The following SDK1 variants were observed in gnomAD, a reference collection of about 807,000 sequenced individuals.
SDK1 encodes sidekick cell adhesion molecule 1, also known as protein sidekick-1.
Under a neutral mutation model 245.5 loss-of-function variants are expected in SDK1, and 157 were observed. That is an observed-to-expected ratio of 0.64 (90% CI 0.56 to 0.73). SDK1 has a LOEUF of 0.73. Among genes scored for constraint, SDK1 ranks in the 30% least tolerant of loss-of-function variants. The pLI is 0.00. For synonymous variants in SDK1, 1,647 were observed against 1,278.5 expected, an observed-to-expected ratio of 1.29 and a Z score of -6.15; for missense variants, 3,583 against 3,002.3, an observed-to-expected ratio of 1.19 and a Z score of -4.52.
intron 1 of SDK1, among the ~76,000 whole-genome samples, chr7:3,567,678 T>C (rs1297445367): frequency 6.6e-6 from 1 of 152,252 alleles, no homozygotes; most frequent in Non-Finnish European, 1.5e-5. Flanking sequence ...CAGGAGGAGA[T>C]GGTAAACCTC....
At chr7:3,991,348 T>A (rs1202176003) in intron 14 of SDK1, among the ~76,000 whole-genome samples, 1 of 152,018 alleles carries the variant, frequency 6.6e-6, no homozygotes, top group East Asian at 1.9e-4. Context: ...AAATATCACT[T>A]CTGCAAGTCC....
chr7:3,585,156 C>G (rs1407622867), intron 1 of SDK1, among the ~76,000 whole-genome samples: 1 of 152,224 alleles, frequency 6.6e-6, no homozygotes, highest in African/African-American at 2.4e-5. Context: ...TCAGCCTCTG[C>G]TTTCCAGAGG....
Position 4,195,440 on chromosome 7 carries a change from C to T in SDK1, c.5099-10439C>T, listed in dbSNP as rs536331030. Among the ~76,000 whole-genome samples the T allele has an allele frequency of 5.3e-5, 8 of 152,142 alleles. No individual in the cohort carries two copies. In the East Asian group the frequency reaches 1.4e-3, roughly 26 times the overall value. The stretch of plus-strand genomic sequence containing the variant: ...TGGGGCTCAGCTTTTCCCCGTCCCT[C>T]CCCCACGTCACTCTCCATCCTCAGC... On this transcript the variant is annotated intron_variant, in intron 35 of 44. Transcript: ENST00000404826.
intron 5 of SDK1, among the ~76,000 whole-genome samples, chr7:3,847,404 A>G (rs1411579549): frequency 2.0e-5 from 3 of 152,124 alleles, no homozygotes; most frequent in Non-Finnish European, 4.4e-5. Flanking sequence ...AAATAATTGT[A>G]ATTTATTTAG....
chr7:3,696,572 T>TGGTGTGTG (rs1554250321), intron 4 of SDK1, among the ~76,000 whole-genome samples: 1 of 147,906 alleles, frequency 6.8e-6, no homozygotes, highest in Admixed American at 6.7e-5. Flanking sequence ...TTCTCTGTGT[T>TGGTGTGTG]TGTGTGTGTG....
chr7:3,402,742 A>G (rs962765923), intron 1 of SDK1, among the ~76,000 whole-genome samples: 14 of 152,168 alleles, frequency 9.2e-5, no homozygotes, highest in South Asian at 4.1e-4. Flanking sequence ...ATGGAAACCA[A>G]TGTGTTTAAG....
At chr7:3,734,572 T>A (rs1023599576) in intron 4 of SDK1, among the ~76,000 whole-genome samples, 13 of 152,226 alleles carry the variant, frequency 8.5e-5, no homozygotes, top group African/African-American at 3.1e-4. Context: ...CAAGATACTA[T>A]CTAAGATTAG....
intron 1 of SDK1, among the ~76,000 whole-genome samples, chr7:3,308,463 C>G (rs895039200): frequency 1.3e-5 from 2 of 152,096 alleles, no homozygotes; most frequent in Non-Finnish European, 2.9e-5. Flanking sequence ...TTCACTTTAA[C>G]AGGCTTAACT....
At chr7:3,370,528 T>C (rs1303491044) in intron 1 of SDK1, among the ~76,000 whole-genome samples, 1 of 152,152 alleles carries the variant, frequency 6.6e-6, no homozygotes, top group Non-Finnish European at 1.5e-5. Context: ...AAACAGACTG[T>C]TATGTTTGAC....
chr7:3,826,407 A>C (rs1779776217), intron 5 of SDK1, among the ~76,000 whole-genome samples: 1 of 152,140 alleles, frequency 6.6e-6, no homozygotes, highest in South Asian at 2.1e-4. Flanking sequence ...TTTTGGAAAA[A>C]TTCTTATGAC....
chr7:3,360,544 T>A (rs1780923480), intron 1 of SDK1, among the ~76,000 whole-genome samples: 1 of 152,204 alleles, frequency 6.6e-6, no homozygotes, highest in Non-Finnish European at 1.5e-5. Flanking sequence ...TATTGATATT[T>A]TCGATAGAAA....
chr7:4,198,034 G>A (rs1401312930), intron 35 of SDK1, among the ~76,000 whole-genome samples: 2 of 152,224 alleles, frequency 1.3e-5, no homozygotes, highest in African/African-American at 2.4e-5. Context: ...CTAAGGCAGC[G>A]AGGCCCTGTG....
At chr7:3,381,412 C>T (rs1781483732) in intron 1 of SDK1, among the ~76,000 whole-genome samples, 1 of 151,920 alleles carries the variant, frequency 6.6e-6, no homozygotes, top group African/African-American at 2.4e-5. Context: ...CTGTGGGCTG[C>T]ATGGTGAAGG....
intron 1 of SDK1, among the ~76,000 whole-genome samples, chr7:3,468,718 T>C (rs1484355219): frequency 6.6e-6 from 1 of 152,222 alleles, no homozygotes; most frequent in Non-Finnish European, 1.5e-5. Context: ...CATTAGATCG[T>C]ACTGTCTCTG....
chr7:3,341,530 C>T (rs1780348477), intron 1 of SDK1, among the ~76,000 whole-genome samples: 1 of 152,028 alleles, frequency 6.6e-6, no homozygotes. Context: ...AAAACAGTCC[C>T]AGTTTACGGA....
rs182486302 is a variant in SDK1 at position 3,321,093 on chromosome 7, C to T, written c.298+19209C>T. On this transcript the variant is annotated intron_variant, in intron 1 of 44. Coordinates refer to ENST00000404826, the MANE Select transcript of SDK1 (RefSeq NM_152744.4). ...CCTAAAATTTTAAGATATTTCAGGG[C>T]TTATCAACTGAAGGCTCTTGAAATG... Among the ~76,000 whole-genome samples the T allele has an allele frequency of 3.3e-3, 502 of 152,250 alleles. 7 individuals carry two copies. The highest frequency in any genetic ancestry group is 4.0e-3 in the Non-Finnish European group (271 of 68,018).
intron 1 of SDK1, among the ~76,000 whole-genome samples, chr7:3,594,967 A>T (rs1781005330): frequency 6.6e-6 from 1 of 151,944 alleles, no homozygotes; most frequent in South Asian, 2.1e-4. Flanking sequence ...TGTGTAGAGC[A>T]CTCATTTTGT....
intron 5 of SDK1, among the ~76,000 whole-genome samples, chr7:3,935,377 AAAG>A (rs1043682976): frequency 1.3e-5 from 2 of 152,254 alleles, no homozygotes; most frequent in African/African-American, 4.8e-5. Flanking sequence ...ACAGGCAACA[AAAG>A]AAAAAATCAA....
chr7:3,816,823 A>T (rs1291807094), intron 4 of SDK1, among the ~76,000 whole-genome samples: 1 of 152,074 alleles, frequency 6.6e-6, no homozygotes, highest in Non-Finnish European at 1.5e-5. Context: ...CCCTTTTAAA[A>T]GTTGCTTAAT....
Sources: gnomAD v4.1 joint callset for allele counts (sites outside exome capture counted in the v4.1 genomes callset) on GRCh38, gnomAD v4.1.1 for gene constraint, MANE v1.5 for transcripts, NCBI Gene and HGNC (gene_info 2026-07-23, HGNC 2026-07-21) for gene names.